Variants in DYNLRB1 observed in about 807,000 individuals in gnomAD.
DYNLRB1 encodes ROBL/LC7-like 1.
A neutral mutation model predicts 13.5 loss-of-function variants in DYNLRB1; 6 were observed. That is an observed-to-expected ratio of 0.44 (90% CI 0.24 to 0.88). The LOEUF is 0.88. Among genes scored for constraint, DYNLRB1 ranks in the 40% least tolerant of loss-of-function variants. DYNLRB1 has a pLI of 0.21. For missense variants in DYNLRB1, 93 were observed against 127.2 expected, an observed-to-expected ratio of 0.73 and a Z score of 1.29; for synonymous variants, 43 against 45.0, an observed-to-expected ratio of 0.96 and a Z score of 0.18.
At chr20:34,539,899 G>A (rs1981445713) in intron 3 of DYNLRB1, among the ~76,000 whole-genome samples, 1 of 152,266 alleles carries the variant, frequency 6.6e-6, no homozygotes, top group East Asian at 1.9e-4. Context: ...GAGCCCAGGA[G>A]GTCAAGGCTG....
Position 34,540,730 on chromosome 20 carries a change from T to G in DYNLRB1, c.*106T>G. ...CACATGGCAGTCGCTTGGAACCCAC[T>G]CACACCAATCCAGTGACCGTGTGTG... On this transcript the variant is annotated 3_prime_UTR_variant, in exon 4 of 4. Transcript: ENST00000357156. The G allele has an allele frequency of 8.4e-7, 1 of 1,190,174 alleles. No homozygotes were observed. Among genetic ancestry groups the G allele is most frequent in the Non-Finnish European group, 1.2e-6 (1 of 816,230 alleles). The allele number at this position is 1,190,174 out of a possible 1,614,324, so 73.7% of individuals were successfully genotyped here.
intron 1 of DYNLRB1, among the ~76,000 whole-genome samples, chr20:34,523,708 C>T (rs1600541644): frequency 6.6e-6 from 1 of 152,188 alleles, no homozygotes; most frequent in East Asian, 1.9e-4. Context: ...CTGTAGCTGA[C>T]ATTTATGTTT....
At chr20:34,516,276 A>G (rs1979153677), upstream of DYNLRB1, 1 of 963,834 alleles carries the variant, frequency 1.0e-6, no homozygotes, top group Non-Finnish European at 1.5e-6. Flanking sequence ...TCGCTTTGCC[A>G]CAGTGGAAAG....
Position 34,526,292 on chromosome 20 carries a change from C to T in DYNLRB1, c.28C>T (p.Arg10Ter). The T allele has an allele frequency of 6.2e-7, 1 of 1,614,096 alleles. No homozygotes were observed. The highest frequency in any genetic ancestry group is 8.5e-7 in the Non-Finnish European group (1 of 1,180,024). The change falls in exon 2 of 4, where the codon CGA (arginine) becomes TGA (stop). Residue 10 changes from arginine (R) to a stop codon, truncating the protein, a stop_gained. Coordinates refer to ENST00000357156, the MANE Select transcript of DYNLRB1 (RefSeq NM_014183.4). LOFTEE classifies it high-confidence loss of function. MAEVEETLK[R>*]LQSQKGVQGI... The stretch of plus-strand genomic sequence containing the variant: ...GGCAGAGGTGGAGGAGACACTGAAG[C>T]GACTGCAGAGCCAGAAGGGAGTGCA...
In DYNLRB1 at chr20:34,526,340, G is replaced by C. The variant is rs1375174917; in HGVS notation, c.76G>C (p.Glu26Gln). The change falls in exon 2 of 4, where the codon GAA (glutamate) becomes CAA (glutamine). Residue 26 changes from glutamate (E) to glutamine (Q), a missense_variant. Coordinates refer to ENST00000357156, the MANE Select transcript of DYNLRB1 (RefSeq NM_014183.4). ...GVQGIIVVNT[E>Q]GIPIKSTMDN... is the part of the protein sequence containing the mutation. ...GCAGGGAATCATCGTCGTGAACACAGAAGGTACGCCCTCCCTCCCGCCATG... is the reference window on the plus strand; with the variant it reads ...GCAGGGAATCATCGTCGTGAACACACAAGGTACGCCCTCCCTCCCGCCATG... 1 of 1,613,982 alleles carries C rather than the reference G, an allele frequency of 6.2e-7. No individual in the cohort carries two copies. Among genetic ancestry groups the C allele is most frequent in the East Asian group, 2.2e-5 (1 of 44,876 alleles).
At chr20:34,522,094 C>G (rs1338942275) in intron 1 of DYNLRB1, among the ~76,000 whole-genome samples, 1 of 152,072 alleles carries the variant, frequency 6.6e-6, no homozygotes, top group Non-Finnish European at 1.5e-5. Context: ...GAGTAGCATC[C>G]CTTGCCCCAC....
At chr20:34,529,336 G>C (rs1980516376) in intron 2 of DYNLRB1, among the ~76,000 whole-genome samples, 2 of 152,204 alleles carry the variant, frequency 1.3e-5, no homozygotes, top group African/African-American at 4.8e-5. Context: ...CTTCAGTCTA[G>C]GCCTTGTTTT....
At chr20:34,533,146 C>T (rs183953383) in intron 2 of DYNLRB1, among the ~76,000 whole-genome samples, 1 of 152,294 alleles carries the variant, frequency 6.6e-6, no homozygotes, top group Admixed American at 6.5e-5. Context: ...TGACAGTAGG[C>T]ACCGTCCAGT....
intron 2 of DYNLRB1, chr20:34,530,481 A>G (rs1302996983): frequency 5.9e-6 from 1 of 170,690 alleles, no homozygotes; most frequent in Non-Finnish European, 1.2e-5. Flanking sequence ...TGTCTCAGTT[A>G]GTGTGTGTGT....
chr20:34,539,217 G>T (rs1406384138), intron 3 of DYNLRB1, among the ~76,000 whole-genome samples: 1 of 152,188 alleles, frequency 6.6e-6, no homozygotes, highest in African/African-American at 2.4e-5. Flanking sequence ...TGAAACGGGA[G>T]GCACTCAGGC....
At chr20:34,538,005 T>TTTTTTGG (rs1981293993) in intron 3 of DYNLRB1, among the ~76,000 whole-genome samples, 2 of 122,924 alleles carry the variant, frequency 1.6e-5, no homozygotes, top group Admixed American at 8.7e-5. Context: ...TTTTTTTTTT[T>TTTTTTGG]GAGACAGGGT....
At chr20:34,521,411 C>G (rs183469657) in intron 1 of DYNLRB1, among the ~76,000 whole-genome samples, 63 of 152,022 alleles carry the variant, frequency 4.1e-4, no homozygotes, top group Admixed American at 2.3e-3. Flanking sequence ...GCACTACCTA[C>G]TAGAGACTTG....
At chr20:34,529,894 C>A in intron 2 of DYNLRB1, 2 of 1,522,220 alleles carry the variant, frequency 1.3e-6, no homozygotes, top group Non-Finnish European at 8.8e-7. Flanking sequence ...AGGAGCAGGC[C>A]CCCTGCTCAG....
At chr20:34,540,521 C>T in intron 3 of DYNLRB1, 60 bp from the exon 4 acceptor site, 3 of 1,507,772 alleles carry the variant, frequency 2.0e-6, no homozygotes, top group South Asian at 1.2e-5. Context: ...TATTTGCTTT[C>T]TTGTGTGTTT....
intron 1 of DYNLRB1, among the ~76,000 whole-genome samples, chr20:34,525,184 C>G (rs552112164): frequency 3.3e-5 from 5 of 152,056 alleles, no homozygotes; most frequent in Non-Finnish European, 7.4e-5. Flanking sequence ...TGAGGATCCC[C>G]CCCCCCATTT....
chr20:34,528,311 C>CAAA (rs59104612), intron 2 of DYNLRB1, among the ~76,000 whole-genome samples: 98 of 5,206 alleles, frequency 0.019, 29 homozygotes, highest in Admixed American at 0.065. Context: ...GACTCCGTCT[C>CAAA]AAAAAAAAAA....
intron 1 of DYNLRB1, among the ~76,000 whole-genome samples, chr20:34,523,689 G>A (rs1412351232): frequency 4.6e-5 from 7 of 152,030 alleles, no homozygotes; most frequent in Non-Finnish European, 8.8e-5. Context: ...TCCAGGTCCC[G>A]TTTCCCTGCT....
intron 2 of DYNLRB1, among the ~76,000 whole-genome samples, chr20:34,533,902 C>T (rs1482327950): frequency 1.3e-5 from 2 of 151,938 alleles, no homozygotes; most frequent in Admixed American, 6.6e-5. Flanking sequence ...TTTGGGAGGC[C>T]GAGGTGGGCG....
intron 3 of DYNLRB1, among the ~76,000 whole-genome samples, chr20:34,537,757 G>A (rs965073903): frequency 2.0e-5 from 3 of 152,178 alleles, no homozygotes; most frequent in Non-Finnish European, 4.4e-5. Context: ...GGCTGCTGCT[G>A]GAAGTGCCCG....
Sources: gnomAD v4.1 joint callset for allele counts (sites outside exome capture counted in the v4.1 genomes callset) on GRCh38, gnomAD v4.1.1 for gene constraint, MANE v1.5 for transcripts, NCBI Gene and HGNC (gene_info 2026-07-23, HGNC 2026-07-21) for gene names.